The following TASL variants were observed in gnomAD, a reference collection of about 807,000 sequenced individuals.
TASL encodes TLR adaptor interacting with endolysosomal SLC15A4, also known as TLR adapter interacting with SLC15A4 on the lysosome.
In TASL, 6 loss-of-function variants were observed where a neutral mutation model predicts 12.9. That is an observed-to-expected ratio of 0.46 (90% confidence interval 0.25 to 0.92). The LOEUF (loss-of-function observed/expected upper bound fraction) is 0.92. Among genes scored for constraint, TASL ranks in the 40% least tolerant of loss-of-function variants. The probability of loss-of-function intolerance (pLI) is 0.17; values close to 1 mark genes in which losing one functional copy is unlikely to be tolerated. For synonymous variants in TASL, 85 were observed against 79.3 expected (o/e 1.07, Z -0.38); for missense variants, 165 against 212.8 (o/e 0.78, Z 1.40).
intron 2 of TASL, among the ~76,000 whole-genome samples, chrX:30,565,907 A>G (rs921071468): frequency 9.1e-6 from 1 of 109,544 alleles, no homozygotes; most frequent in African/African-American, 3.3e-5. Flanking sequence ...AGTAGCTGGG[A>G]CCACAGGTGC....
At chrX:30,576,109 G>A (rs933712641) in intron 2 of TASL, among the ~76,000 whole-genome samples, 3 of 111,924 alleles carry the variant, frequency 2.7e-5, no homozygotes, top group Non-Finnish European at 5.6e-5. Flanking sequence ...TGCAATGCAA[G>A]ATTCTTGATT....
intron 2 of TASL, among the ~76,000 whole-genome samples, chrX:30,567,621 T>A (rs1174822359): frequency 9.0e-6 from 1 of 111,212 alleles, no homozygotes; most frequent in African/African-American, 3.3e-5. Context: ...CTCTGTATAG[T>A]GAGAGGAAGG....
In TASL at chrX:30,571,105, G is replaced by A. The variant is rs1203779990; in HGVS notation, c.-2+5647C>T. Among the ~76,000 whole-genome samples, 6 of 106,579 alleles carry A rather than the reference G, an allele frequency of 5.6e-5. No homozygotes were observed. The East Asian group carries it at 1.2e-3, about 21-fold the overall frequency. 92.6% of individuals were successfully genotyped at this position (106,579 alleles called of 115,157 possible). A position where few individuals can be genotyped will look rare whatever the true frequency, so the allele number is the denominator to read the frequency against. On this transcript the variant is annotated intron_variant, in intron 2 of 2. Coordinates refer to ENST00000378962, the MANE Select transcript of TASL (RefSeq NM_025159.3). The stretch of plus-strand genomic sequence containing the variant: ...TGAGGCAGGAGAATCGCTTGAACCC[G>A]GGAGGTGGAGGTTGTGGTGAGCTGA...
At chrX:30,567,150 G>A (rs767398457) in intron 2 of TASL, among the ~76,000 whole-genome samples, 2 of 110,107 alleles carry the variant, frequency 1.8e-5, no homozygotes, top group Non-Finnish European at 3.8e-5. Context: ...TTAGCCAGGC[G>A]TGGTGGTCCC....
chrX:30,559,838 G>A lies in TASL; in HGVS notation c.518C>T (p.Pro173Leu), dbSNP rs1930390229. ...GATAGGTTTTTGGGGAAAGTCACTG[G>A]GCTGAGTAGAAATGGAATCCTCCAT... is the stretch of plus-strand genomic sequence containing the variant. The part of the protein sequence containing the change: ...LPMEDSISTQ[P>L]SDFPQKPIQR... The change falls in exon 3 of 3, where the codon CCC (proline) becomes CTC (leucine). Residue 173 changes from proline to leucine, a missense_variant. By Grantham distance (98) the Pro-to-Leu change is moderately conservative. Transcript: ENST00000378962. The A allele has an allele frequency of 8.3e-7, 1 of 1,210,894 alleles. No individual in the cohort carries two copies. Among genetic ancestry groups the A allele is most frequent in the East Asian group, 3.0e-5 (1 of 33,865 alleles).
At chrX:30,561,031 CTG>C (rs1175995791) in intron 2 of TASL, among the ~76,000 whole-genome samples, 1 of 111,707 alleles carries the variant, frequency 9.0e-6, no homozygotes, top group African/African-American at 3.3e-5. Context: ...AAAACAAGTG[CTG>C]TGTCTTACTT....
At chrX:30,565,108 T>C (rs1159809298) in intron 2 of TASL, among the ~76,000 whole-genome samples, 1 of 111,732 alleles carries the variant, frequency 8.9e-6, no homozygotes, top group Non-Finnish European at 1.9e-5. Flanking sequence ...AAACTGAACA[T>C]GCACACACCT....
chrX:30,574,447 T>C (rs910576330), intron 2 of TASL, among the ~76,000 whole-genome samples: 2 of 111,053 alleles, frequency 1.8e-5, no homozygotes, highest in Non-Finnish European at 3.8e-5. Flanking sequence ...TGAGGATTGG[T>C]GGGGAGTGTG....
chrX:30,565,649 T>A (rs1166928041), intron 2 of TASL, among the ~76,000 whole-genome samples: 7 of 110,712 alleles, frequency 6.3e-5, no homozygotes, highest in African/African-American at 2.4e-4. Context: ...TAGTTTAAAT[T>A]AATTTTAATT....
chrX:30,570,852 G>T (rs1735971514), intron 2 of TASL, among the ~76,000 whole-genome samples: 1 of 111,307 alleles, frequency 9.0e-6, no homozygotes, highest in African/African-American at 3.3e-5. Flanking sequence ...TAGGCCCTTT[G>T]CTTCAATTCA....
intron 2 of TASL, among the ~76,000 whole-genome samples, chrX:30,573,482 G>A (rs915720717): frequency 8.9e-6 from 1 of 112,620 alleles, no homozygotes; most frequent in Admixed American, 9.4e-5. Flanking sequence ...ATTATGTATC[G>A]ATGCTCATAT....
intron 2 of TASL, among the ~76,000 whole-genome samples, chrX:30,576,111 T>G (rs1050818809): frequency 6.2e-5 from 7 of 112,116 alleles, no homozygotes; most frequent in African/African-American, 1.9e-4. Flanking sequence ...CAATGCAAGA[T>G]TCTTGATTGG....
intron 2 of TASL, among the ~76,000 whole-genome samples, chrX:30,567,278 G>GAAA (rs5901953): frequency 1.2e-5 from 1 of 85,239 alleles, no homozygotes; most frequent in Non-Finnish European, 2.3e-5. Context: ...CATGTCTCAA[G>GAAA]AAAAAAAAAA....
chrX:30,559,708 C>A lies in TASL; in HGVS notation c.648G>T (p.Gln216His). 8.3e-7 allele frequency: 1 copy of A among 1,211,161 alleles called. No homozygotes were observed. The highest frequency in any genetic ancestry group is 1.1e-6 in the Non-Finnish European group (1 of 894,876). Residue 216 changes from glutamine (Q) to histidine (H), a missense_variant, in exon 3 of 3, where the codon CAG becomes CAT. Gln to His is a conservative substitution (Grantham distance 24). Transcript: ENST00000378962. ...SNAVLNEYLE[Q>H]KVVELYKQYI... ...ACTGTTTATATAACTCCACAACCTTCTGCTCCAGGTACTCATTCAGAACTG... is the reference window on the plus strand; with the variant it reads ...ACTGTTTATATAACTCCACAACCTTATGCTCCAGGTACTCATTCAGAACTG...
intron 2 of TASL, among the ~76,000 whole-genome samples, chrX:30,571,309 A>AGAAAGAAAGAAAGAAAGAAAGAAG (rs1569306200): frequency 3.8e-5 from 4 of 106,041 alleles, no homozygotes; most frequent in African/African-American, 1.4e-4. Context: ...AAAGAAAGAA[A>AGAAAGAAAGAAAGAAAGAAAGAAG]GAAAGAAAGA....
chrX:30,565,487 C>T (rs1219666431), intron 2 of TASL, among the ~76,000 whole-genome samples: 1 of 111,779 alleles, frequency 8.9e-6, no homozygotes, highest in Admixed American at 9.5e-5. Flanking sequence ...TTAGAAAAAG[C>T]TAAGCAAATG....
intron 2 of TASL, among the ~76,000 whole-genome samples, chrX:30,564,455 G>A (rs907412361): frequency 3.7e-5 from 4 of 107,957 alleles, no homozygotes; most frequent in African/African-American, 1.3e-4. Flanking sequence ...AATGTGAAAT[G>A]ATAGAACACT....
In TASL at chrX:30,562,233, A is replaced by G. The variant is rs534184820; in HGVS notation, c.-1-1877T>C. Among the ~76,000 whole-genome samples the G allele has an allele frequency of 1.9e-4, 21 of 112,391 alleles. No individual in the cohort carries two copies. In the South Asian group the frequency reaches 6.6e-3, roughly 35 times the overall value. On this transcript the variant is annotated intron_variant, in intron 2 of 2. Transcript: ENST00000378962. Reference sequence around the variant, plus strand: ...TTACACCTCAGAATCCAGAACCATGAAGGACTTAAGGCATAATATTTATGC... The same window carrying G: ...TTACACCTCAGAATCCAGAACCATGGAGGACTTAAGGCATAATATTTATGC...
chrX:30,576,952 C>G (rs1930715138), intron 1 of TASL, 86 bp from the exon 2 acceptor site: 1 of 112,230 alleles, frequency 8.9e-6, no homozygotes, highest in Non-Finnish European at 1.9e-5. Context: ...ATGCGCAAGA[C>G]AAAGAATGTT....
Sources: gnomAD v4.1 joint callset for allele counts (sites outside exome capture counted in the v4.1 genomes callset) on GRCh38, gnomAD v4.1.1 for gene constraint, MANE v1.5 for transcripts, NCBI Gene and HGNC (gene_info 2026-07-23, HGNC 2026-07-21) for gene names.